The following NRG2 variants were observed in gnomAD, a reference collection of about 807,000 sequenced individuals.
NRG2 encodes pro-neuregulin-2, membrane-bound isoform.
In NRG2, 27 loss-of-function variants were observed where a neutral mutation model predicts 73.9. That is an observed-to-expected ratio of 0.37 (90% confidence interval 0.27 to 0.50). The LOEUF (loss-of-function observed/expected upper bound fraction) is 0.50, where lower values mean the gene tolerates loss of function less well. Ranked by LOEUF, NRG2 falls within the 20% of genes least tolerant of loss-of-function variation. The pLI is 0.96. For synonymous variants in NRG2, 532 were observed against 541.0 expected (o/e 0.98, Z 0.23); for missense variants, 1,126 against 1,210.1 (o/e 0.93, Z 1.03).
chr5:139,861,499 G>A (rs1449964455), intron 5 of NRG2, among the ~76,000 whole-genome samples: 2 of 152,172 alleles, frequency 1.3e-5, no homozygotes, highest in Non-Finnish European at 2.9e-5. Context: ...AAGATCCTGG[G>A]GCTTCAACCC....
rs530075847 is a variant in NRG2 at position 139,959,805 on chromosome 5, G to A, written c.701-72294C>T. 1.2e-4 allele frequency among the ~76,000 whole-genome samples: 19 copies of A among 152,282 alleles called. No homozygotes were observed. The South Asian group carries it at 3.7e-3, about 30-fold the overall frequency. ...TGGGATTACAGGCGTGAGCCACCGCGCCCAGCCGATTTCCCTGTCTTGGAA... is the reference window on the plus strand; with the variant it reads ...TGGGATTACAGGCGTGAGCCACCGCACCCAGCCGATTTCCCTGTCTTGGAA... On this transcript the variant is annotated intron_variant, in intron 1 of 9. Coordinates refer to ENST00000361474, the MANE Select transcript of NRG2 (RefSeq NM_004883.3).
chr5:139,905,145 A>AG (rs138881387), intron 1 of NRG2, among the ~76,000 whole-genome samples: 1,622 of 152,260 alleles, frequency 0.011, 31 homozygotes, highest in African/African-American at 0.037. Flanking sequence ...CAACTCCGAC[A>AG]GCCCAGGCTG....
intron 1 of NRG2, among the ~76,000 whole-genome samples, chr5:140,033,985 G>A (rs2126697609): frequency 6.7e-6 from 1 of 149,882 alleles, no homozygotes; most frequent in African/African-American, 2.5e-5. Context: ...TTGACATGGA[G>A]TCTCGCTCTA....
chr5:139,891,827 TA>T (rs903878395), intron 1 of NRG2, among the ~76,000 whole-genome samples: 13 of 151,454 alleles, frequency 8.6e-5, no homozygotes, highest in East Asian at 5.8e-4. Context: ...TTTTGTACAT[TA>T]AAAAAAAACT....
chr5:139,877,030 A>G (rs1763227912), intron 3 of NRG2, among the ~76,000 whole-genome samples: 1 of 151,786 alleles, frequency 6.6e-6, no homozygotes, highest in East Asian at 1.9e-4. Context: ...CAGGGCTTCC[A>G]TGGTCCTATG....
intron 1 of NRG2, among the ~76,000 whole-genome samples, chr5:139,891,206 G>A (rs1764192954): frequency 6.6e-6 from 1 of 152,208 alleles, no homozygotes; most frequent in Non-Finnish European, 1.5e-5. Context: ...TTCCAGTGCT[G>A]TATTATGCAC....
At chr5:139,941,731 A>G (rs1276123728) in intron 1 of NRG2, among the ~76,000 whole-genome samples, 1 of 152,220 alleles carries the variant, frequency 6.6e-6, no homozygotes, top group African/African-American at 2.4e-5. Flanking sequence ...TGAAGTGTAG[A>G]AATTTCATTT....
At chr5:140,023,178 C>T (rs1760380336) in intron 1 of NRG2, among the ~76,000 whole-genome samples, 1 of 152,220 alleles carries the variant, frequency 6.6e-6, no homozygotes, top group African/African-American at 2.4e-5. Flanking sequence ...CAACCTATCA[C>T]CTCCAGAACC....
At chr5:140,025,991 T>C (rs1405453099) in intron 1 of NRG2, among the ~76,000 whole-genome samples, 1 of 152,080 alleles carries the variant, frequency 6.6e-6, no homozygotes, top group East Asian at 1.9e-4. Flanking sequence ...TCATTCCGAC[T>C]GAGGGGATCA....
chr5:139,914,893 G>T (rs558106698), intron 1 of NRG2, among the ~76,000 whole-genome samples: 2 of 152,294 alleles, frequency 1.3e-5, no homozygotes, highest in East Asian at 3.9e-4. Context: ...GCTCCACTTA[G>T]GTGGGGGCCA....
intron 1 of NRG2, among the ~76,000 whole-genome samples, chr5:139,913,926 G>T (rs1005216581): frequency 8.5e-5 from 13 of 152,314 alleles, no homozygotes; most frequent in Admixed American, 2.0e-4. Context: ...GCTGAGGAGG[G>T]TGAATCGTTT....
intron 1 of NRG2, among the ~76,000 whole-genome samples, chr5:139,992,197 A>T (rs1193876294): frequency 6.6e-6 from 1 of 152,224 alleles, no homozygotes; most frequent in African/African-American, 2.4e-5. Flanking sequence ...AGTAGAAGGC[A>T]TGTAACGTTT....
At position 139,851,587 on chromosome 5, in the gene NRG2, A is replaced by C. The variant is rs1561621749; in HGVS notation, c.1772+17T>G. 6.2e-7 allele frequency: 1 copy of C among 1,612,082 alleles called. No homozygotes were observed. Among genetic ancestry groups the C allele is most frequent in the Non-Finnish European group, 8.5e-7 (1 of 1,178,584 alleles). ...CCTCTGGCTAAGCGGGGAATAGGTC[A>C]GGGGGTAGGAACTGACCTCTCGCTG... On this transcript the variant is annotated intron_variant, in intron 9 of 9. Coordinates refer to ENST00000361474, the MANE Select transcript of NRG2 (RefSeq NM_004883.3). This position sits in a 1 kb window ranked among gnomAD's most constrained non-coding sequence, Gnocchi z 4.2.
chr5:139,939,371 T>C (rs1299752234), intron 1 of NRG2, among the ~76,000 whole-genome samples: 2 of 151,788 alleles, frequency 1.3e-5, no homozygotes, highest in Admixed American at 1.3e-4. Flanking sequence ...GCCTCCTGGG[T>C]TCAAGCGATT....
chr5:140,009,488 T>C (rs1312405031), intron 1 of NRG2, among the ~76,000 whole-genome samples: 1 of 152,238 alleles, frequency 6.6e-6, no homozygotes, highest in Non-Finnish European at 1.5e-5. Flanking sequence ...TATGTAAACA[T>C]AAGTTTCCAA....
At chr5:140,028,506 G>A (rs1464338084) in intron 1 of NRG2, among the ~76,000 whole-genome samples, 2 of 152,108 alleles carry the variant, frequency 1.3e-5, no homozygotes, top group Non-Finnish European at 2.9e-5. Context: ...CAGTACTCGA[G>A]TTGCTATACC....
chr5:139,913,237 T>G (rs865966759), intron 1 of NRG2, among the ~76,000 whole-genome samples: 1 of 152,174 alleles, frequency 6.6e-6, no homozygotes, highest in African/African-American at 2.4e-5. Flanking sequence ...ATGTTGACCT[T>G]AATGGCCTTG....
At chr5:139,935,620 G>A (rs1347605112) in intron 1 of NRG2, among the ~76,000 whole-genome samples, 1 of 151,980 alleles carries the variant, frequency 6.6e-6, no homozygotes, top group Non-Finnish European at 1.5e-5. Context: ...ATAATATATG[G>A]GTCAAAGAAG....
At chr5:139,974,274 T>G (rs1756206457) in intron 1 of NRG2, among the ~76,000 whole-genome samples, 1 of 151,096 alleles carries the variant, frequency 6.6e-6, no homozygotes, top group Non-Finnish European at 1.5e-5. Context: ...AAGGCTATGA[T>G]GTGACAAGGA....
Sources: gnomAD v4.1 joint callset for allele counts (sites outside exome capture counted in the v4.1 genomes callset) on GRCh38, gnomAD v4.1.1 for gene constraint, Gnocchi (gnomAD v3.1) non-coding constraint, MANE v1.5 for transcripts, NCBI Gene and HGNC (gene_info 2026-07-23, HGNC 2026-07-21) for gene names.